Variants in DUS4L observed in about 807,000 individuals in gnomAD.
DUS4L encodes the protein tRNA-dihydrouridine(20a/20b) synthase [NAD(P)+]-like.
Under a neutral mutation model 33.8 loss-of-function variants are expected in DUS4L, and 31 were observed. That is an observed-to-expected ratio of 0.92 (90% CI 0.69 to 1.24). The LOEUF (loss-of-function observed/expected upper bound fraction) is 1.24. Among genes scored for constraint, DUS4L ranks in the 50% most tolerant of loss-of-function variants. The pLI, the probability that DUS4L is intolerant of heterozygous loss-of-function variation, is 0.00. For synonymous variants in DUS4L, 103 were observed against 120.3 expected (o/e 0.86, Z 0.94); for missense variants, 368 against 388.6 (o/e 0.95, Z 0.45).
intron 2 of DUS4L, among the ~76,000 whole-genome samples, chr7:107,566,051 C>T (rs944085617): frequency 5.9e-5 from 9 of 152,160 alleles, no homozygotes; most frequent in African/African-American, 9.7e-5. Flanking sequence ...GTTTATTCCT[C>T]CCAGCTCCAA....
Position 107,564,147 on chromosome 7 carries a change from GTC to G in DUS4L, c.-168_-167del, listed in dbSNP as rs1804307687. 1 of 769,814 alleles carries G rather than the reference GTC, an allele frequency of 1.3e-6. No homozygotes were observed. Among genetic ancestry groups the G allele is most frequent in the Non-Finnish European group, 2.1e-6 (1 of 481,136 alleles). 47.7% of individuals were successfully genotyped at this position (769,814 alleles called of 1,614,324 possible). On this transcript the variant is annotated 5_prime_UTR_variant, in exon 1 of 8. Coordinates refer to ENST00000265720, the MANE Select transcript of DUS4L (RefSeq NM_181581.3). ...GGCCGTCGGGCCGGCGCTTTCAGCT[GTC>G]TCTCGCAGCAGCTCAGGGCCGCGCC... is the stretch of plus-strand genomic sequence containing the variant.
At position 107,567,111 on chromosome 7, in the gene DUS4L, GA is replaced by G. The variant is rs1210343017; in HGVS notation, c.48del (p.Asp17IlefsTer3). On this transcript the variant is annotated frameshift_variant, in exon 3 of 8. Transcript: ENST00000265720. LOFTEE classifies it high-confidence loss of function. ...ATGCAAACGACAATATGTCAGGAAA[GA>G]AAAAAAGATCCCATAGAAATGTTTC... ...DCMQTTICQE[R>X]KKDPIEMFHS... 17 of 1,613,364 alleles carry G rather than the reference GA, an allele frequency of 1.1e-5. No individual in the cohort carries two copies. The highest frequency in any genetic ancestry group is 1.0e-4 in the Admixed American group (6 of 59,956).
intron 3 of DUS4L, among the ~76,000 whole-genome samples, chr7:107,568,113 A>G (rs748473539): frequency 1.3e-5 from 2 of 152,234 alleles, no homozygotes; most frequent in Non-Finnish European, 2.9e-5. Flanking sequence ...GTCATGAACT[A>G]TGGGTGTACA....
intron 2 of DUS4L, among the ~76,000 whole-genome samples, chr7:107,566,219 A>G (rs1001152269): frequency 6.6e-6 from 1 of 152,232 alleles, no homozygotes; most frequent in African/African-American, 2.4e-5. Flanking sequence ...AGTTTGAGCA[A>G]TTAGACCATT....
chr7:107,566,463 T>C (rs187622857), intron 2 of DUS4L, among the ~76,000 whole-genome samples: 46 of 152,328 alleles, frequency 3.0e-4, no homozygotes, highest in Non-Finnish European at 5.3e-4. Flanking sequence ...TACAATGCAA[T>C]TGTAGAATTA....
At chr7:107,566,903 G>C (rs1804760974) in intron 2 of DUS4L, 147 bp from the exon 3 acceptor site, 1 of 531,460 alleles carries the variant, frequency 1.9e-6, no homozygotes, top group Non-Finnish European at 3.3e-6. Context: ...TATCATATTG[G>C]ATACTGTGAA....
intron 7 of DUS4L, 59 bp downstream of exon 7, chr7:107,576,651 G>C: frequency 1.2e-4 from 158 of 1,373,708 alleles, no homozygotes; most frequent in Non-Finnish European, 1.4e-4. Context: ...GAGTGGGGAA[G>C]TAATGTTAAT....
intron 7 of DUS4L, 33 bp from the exon 8 acceptor site, chr7:107,577,280 G>A (rs371784859): frequency 6.2e-7 from 1 of 1,608,240 alleles, no homozygotes; most frequent in Non-Finnish European, 8.5e-7. Context: ...GGTTCTTAAT[G>A]TATGGACAAA....
intron 7 of DUS4L, chr7:107,577,023 C>T (rs934382710): frequency 5.7e-6 from 2 of 350,208 alleles, no homozygotes; most frequent in Non-Finnish European, 5.1e-6. Flanking sequence ...CTTTAAGCAG[C>T]CCAATTTATG....
At position 107,571,194 on chromosome 7, in the gene DUS4L, A is replaced by C. The variant is rs1215247576; in HGVS notation, c.166A>C (p.Thr56Pro). The C allele has an allele frequency of 3.7e-6, 6 of 1,612,026 alleles. No homozygotes were observed. The South Asian group carries it at 6.6e-5, about 18-fold the overall frequency. ...AAAATATAGTTGTGATCTGTGTTAC[A>C]CACCAATGATTGTTGCCGCTGATTT... ...VRKYSCDLCY[T>P]PMIVAADFVK... Residue 56 changes from threonine (T) to proline (P), a missense_variant, in exon 4 of 8, where the codon ACA (threonine) becomes CCA (proline). Thr to Pro is a conservative substitution (Grantham distance 38). Coordinates refer to ENST00000265720, the MANE Select transcript of DUS4L (RefSeq NM_181581.3).
In DUS4L at chr7:107,577,514, G is replaced by A. The variant is rs775531692; in HGVS notation, c.908G>A (p.Ser303Asn). The A allele has an allele frequency of 6.2e-7, 1 of 1,614,026 alleles. No individual in the cohort carries two copies. Among genetic ancestry groups the A allele is most frequent in the Non-Finnish European group, 8.5e-7 (1 of 1,179,998 alleles). ...QEKRVFNALS[S>N]TSAIIDYLTD... ...AAAAGGGTATTTAATGCTCTGTCAA[G>A]CACATCAGCAATCATAGATTACCTT... The change falls in exon 8 of 8, where the codon AGC becomes AAC. Residue 303 changes from serine (S) to asparagine (N), a missense_variant. Ser to Asn is a conservative substitution (Grantham distance 46). Transcript: ENST00000265720.
At chr7:107,574,725 T>C (rs1805573925) in intron 5 of DUS4L, among the ~76,000 whole-genome samples, 1 of 152,224 alleles carries the variant, frequency 6.6e-6, no homozygotes, top group Non-Finnish European at 1.5e-5. Flanking sequence ...AGTTGTTAAG[T>C]ATAGCGTAAT....
At position 107,571,174 on chromosome 7, in the gene DUS4L, A is replaced by G. The variant is rs759872891; in HGVS notation, c.146A>G (p.Tyr49Cys). Residue 49 changes from tyrosine to cysteine, a missense_variant, in exon 4 of 8, where the codon TAT becomes TGT. Coordinates refer to ENST00000265720, the MANE Select transcript of DUS4L (RefSeq NM_181581.3). The stretch of plus-strand genomic sequence containing the variant: ...GCTTTTAGGACACTAGTAAGAAAAT[A>G]TAGTTGTGATCTGTGTTACACACCA... ...KLAFRTLVRK[Y>C]SCDLCYTPMI... The G allele has an allele frequency of 1.2e-6, 2 of 1,613,588 alleles. No individual in the cohort carries two copies. The highest frequency in any genetic ancestry group is 1.7e-5 in the Admixed American group (1 of 59,928).
Position 107,565,276 on chromosome 7 carries a change from T to C in DUS4L, c.-22+600T>C, listed in dbSNP as rs191246054. ...CAATCCATATTCTAAAAGGAGTTAA[T>C]AGGTAAGGTAGGAACCCATTTAAAC... On this transcript the variant is annotated intron_variant, in intron 2 of 7. Coordinates refer to ENST00000265720, the MANE Select transcript of DUS4L (RefSeq NM_181581.3). 1.3e-3 allele frequency among the ~76,000 whole-genome samples: 205 copies of C among 152,328 alleles called. 1 individual carries two copies. Among genetic ancestry groups the C allele is most frequent in the Non-Finnish European group, 2.2e-3 (151 of 68,028 alleles).
In DUS4L at chr7:107,563,997, G is replaced by A. The variant is rs555908807; in HGVS notation, c.-323G>A. The A allele has an allele frequency of 2.5e-4, 318 of 1,250,612 alleles. No homozygotes were observed. Among genetic ancestry groups the A allele is most frequent in the Admixed American group, 8.4e-4 (38 of 45,464 alleles). 77.5% of individuals were successfully genotyped at this position (1,250,612 alleles called of 1,614,324 possible). A position where few individuals can be genotyped will look rare whatever the true frequency, so the allele number is the denominator to read the frequency against. Reference sequence around the variant, plus strand: ...CCCGCCCACCCAGCCCATGGCTCCAGGCCCACCTGGCGAACTGACTCTCAG... The same window carrying A: ...CCCGCCCACCCAGCCCATGGCTCCAAGCCCACCTGGCGAACTGACTCTCAG... On this transcript the variant is annotated 5_prime_UTR_variant, in exon 1 of 8. Transcript: ENST00000265720.
intron 6 of DUS4L, chr7:107,575,640 T>G (rs1228775979): frequency 5.8e-6 from 1 of 170,988 alleles, no homozygotes; most frequent in Non-Finnish European, 1.2e-5. Flanking sequence ...GCACTAAAAT[T>G]TCACAATGAA....
chr7:107,572,353 A>C (rs1805324134), intron 4 of DUS4L, among the ~76,000 whole-genome samples: 1 of 152,220 alleles, frequency 6.6e-6, no homozygotes, highest in Non-Finnish European at 1.5e-5. Flanking sequence ...AAATCAGTAG[A>C]TTGCCATAGG....
intron 2 of DUS4L, 45 bp downstream of exon 2, chr7:107,564,721 G>T (rs1158645527): frequency 6.6e-6 from 1 of 152,126 alleles, no homozygotes; most frequent in African/African-American, 2.4e-5. Flanking sequence ...TCGCGTTTTT[G>T]ACCTAGATTT....
intron 5 of DUS4L, chr7:107,574,979 C>T: frequency 1.6e-6 from 1 of 611,874 alleles, no homozygotes; most frequent in Non-Finnish European, 2.8e-6. Context: ...CAATGAAAAC[C>T]ATTTCTCCTG....
Sources: allele counts gnomAD v4.1 joint callset (sites outside exome capture counted in the v4.1 genomes callset), GRCh38; gene constraint gnomAD v4.1.1; transcripts MANE v1.5; gene names NCBI Gene and HGNC (gene_info 2026-07-23, HGNC 2026-07-21).